Variants in RIMS1 observed in about 807,000 individuals in gnomAD.
RIMS1 encodes the protein regulating synaptic membrane exocytosis 1, also known as regulating synaptic membrane exocytosis protein 1.
RIMS1 carries 83 observed loss-of-function variants against 214.1 expected under a neutral mutation model. The observed-to-expected ratio is 0.39, with a 90% CI of 0.32 to 0.47. RIMS1 has a LOEUF of 0.47. Among genes scored for constraint, RIMS1 ranks in the 20% least tolerant of loss-of-function variants. The pLI is 0.99. For synonymous variants in RIMS1, 793 were observed against 786.8 expected (o/e 1.01, Z -0.13); for missense variants, 2,050 against 2,161.8 (o/e 0.95, Z 1.03).
chr6:72,265,192 A>T (rs2079919433), intron 20 of RIMS1, 140 bp downstream of exon 20: 1 of 631,754 alleles, frequency 1.6e-6, no homozygotes, highest in Admixed American at 3.2e-5. Context: ...TGAAATAATT[A>T]TACAGTGAGA....
In RIMS1 at chr6:72,351,194, TA is replaced by T. The variant is rs376334205; in HGVS notation, c.4366+17371del. On this transcript the variant is annotated intron_variant, in intron 29 of 33. Transcript: ENST00000521978. ...GTATCCTACTCACCTCCCCAAGATG[TA>T]AAAAAAAAAAATGCCATTAGCTCTG... 5.7e-3 allele frequency among the ~76,000 whole-genome samples: 829 copies of T among 145,248 alleles called. 6 individuals are homozygous for T. Among genetic ancestry groups the T allele is most frequent in the African/African-American group, 0.017 (662 of 40,014 alleles).
intron 24 of RIMS1, among the ~76,000 whole-genome samples, chr6:72,287,550 TAGGGTC>T (rs1330564452): frequency 6.6e-6 from 1 of 152,068 alleles, no homozygotes; most frequent in African/African-American, 2.4e-5. Flanking sequence ...ATGGTAAACT[TAGGGTC>T]AGGCATACAT....
At chr6:72,376,437 T>A (rs994942043) in intron 29 of RIMS1, among the ~76,000 whole-genome samples, 1 of 151,964 alleles carries the variant, frequency 6.6e-6, no homozygotes, top group Admixed American at 6.6e-5. Context: ...TCTTCTGAAC[T>A]AAGGAGAGAA....
At chr6:72,123,231 C>A (rs900216434) in intron 4 of RIMS1, among the ~76,000 whole-genome samples, 5 of 151,660 alleles carry the variant, frequency 3.3e-5, no homozygotes, top group Non-Finnish European at 7.4e-5. Context: ...CGTTATTTAC[C>A]CAGTAATCAT....
At chr6:72,168,398 C>A (rs2046559962) in intron 4 of RIMS1, among the ~76,000 whole-genome samples, 1 of 152,148 alleles carries the variant, frequency 6.6e-6, no homozygotes, top group African/African-American at 2.4e-5. Flanking sequence ...AGATCAAATG[C>A]ATGGTTTGAA....
At chr6:72,056,513 GC>G (rs1283144495) in intron 2 of RIMS1, among the ~76,000 whole-genome samples, 1 of 152,154 alleles carries the variant, frequency 6.6e-6, no homozygotes, top group Non-Finnish European at 1.5e-5. Flanking sequence ...TGAAGTTGTT[GC>G]TCTGATTTTT....
chr6:72,232,117 C>A (rs1203322786), intron 6 of RIMS1, among the ~76,000 whole-genome samples: 2 of 151,466 alleles, frequency 1.3e-5, no homozygotes, highest in East Asian at 3.9e-4. Context: ...ATCAATTTTT[C>A]TTTTTGGGGG....
Position 71,887,138 on chromosome 6 carries a change from G to A in RIMS1, c.115G>A (p.Val39Met). ...TEEERNIIMAVMDRQKEEEEK... is the reference protein window; with the variant it reads ...TEEERNIIMAMMDRQKEEEEK... Reference sequence around the variant, plus strand: ...AGAGGAGAGGAACATTATCATGGCAGTGATGGACCGGCAGAAGGAAGAGGA... The same window carrying A: ...AGAGGAGAGGAACATTATCATGGCAATGATGGACCGGCAGAAGGAAGAGGA... The change falls in exon 1 of 34, where the codon GTG (valine) becomes ATG (methionine). Residue 39 changes from valine to methionine, a missense_variant. By Grantham distance (21) the Val-to-Met change is conservative (BLOSUM62 1). Around this residue, in one of 6 missense-constraint regions of RIMS1, gnomAD observed 882 missense variants for 828.9 expected, o/e 1.06. Coordinates refer to ENST00000521978, the MANE Select transcript of RIMS1 (RefSeq NM_014989.7). 1.2e-6 allele frequency: 2 copies of A among 1,613,208 alleles called. No individual in the cohort carries two copies. Among genetic ancestry groups the A allele is most frequent in the Non-Finnish European group, 1.7e-6 (2 of 1,179,552 alleles).
chr6:71,944,180 C>T (rs12209040), intron 1 of RIMS1, among the ~76,000 whole-genome samples: 36,519 of 151,904 alleles, frequency 0.24, 4,564 homozygotes, highest in East Asian at 0.36. Flanking sequence ...CTTCATAATG[C>T]GTCTTATTAC....
rs1328772260 is a variant in RIMS1, at chr6:72,161,062, G to C, written c.472-18513G>C. Among the ~76,000 whole-genome samples, 3 of 139,870 alleles carry C rather than the reference G, an allele frequency of 2.1e-5. 1 individual carries two copies. The highest frequency in any genetic ancestry group is 4.9e-5 in the Non-Finnish European group (3 of 61,716). 91.8% of individuals were successfully genotyped at this position (139,870 alleles called of 152,430 possible). On this transcript the variant is annotated intron_variant, in intron 4 of 33. Coordinates refer to ENST00000521978, the MANE Select transcript of RIMS1 (RefSeq NM_014989.7). ...GCAATTAATTATTGCCTCAATTTCAGAAGCTGTTATTGGTCTATTAAGAGA... is the reference window on the plus strand; with the variant it reads ...GCAATTAATTATTGCCTCAATTTCACAAGCTGTTATTGGTCTATTAAGAGA...
At chr6:72,342,774 C>G (rs143991643) in intron 29 of RIMS1, among the ~76,000 whole-genome samples, 3 of 151,684 alleles carry the variant, frequency 2.0e-5, no homozygotes, top group Non-Finnish European at 2.9e-5. Flanking sequence ...GTGCAGAGTT[C>G]CAGAGAACAG....
intron 1 of RIMS1, among the ~76,000 whole-genome samples, chr6:71,961,858 C>A (rs1306514123): frequency 2.6e-5 from 4 of 152,014 alleles, no homozygotes; most frequent in Non-Finnish European, 4.4e-5. Flanking sequence ...TTGCAGGCAG[C>A]ACACGGTTTT....
chr6:72,128,308 G>A lies in RIMS1; in HGVS notation c.471+28322G>A, dbSNP rs140779740. Among the ~76,000 whole-genome samples the A allele has an allele frequency of 1.6e-3, 251 of 152,252 alleles. 2 individuals carry two copies. The highest frequency in any genetic ancestry group is 5.9e-3 in the African/African-American group (247 of 41,546). On this transcript the variant is annotated intron_variant, in intron 4 of 33. Coordinates refer to ENST00000521978, the MANE Select transcript of RIMS1 (RefSeq NM_014989.7). Reference sequence around the variant, plus strand: ...AATTAAATGCTCCAAGAAAACCAGAGAAGGAGGGAGTCCTTTCACTTACTT... The same window carrying A: ...AATTAAATGCTCCAAGAAAACCAGAAAAGGAGGGAGTCCTTTCACTTACTT...
At chr6:72,310,262 G>C (rs1312927729) in intron 27 of RIMS1, among the ~76,000 whole-genome samples, 1 of 152,050 alleles carries the variant, frequency 6.6e-6, no homozygotes, top group Non-Finnish European at 1.5e-5. Context: ...TAATTCCTGA[G>C]ATGCTTCTTG....
intron 4 of RIMS1, among the ~76,000 whole-genome samples, chr6:72,122,269 A>G (rs1554234919): frequency 7.3e-6 from 1 of 136,634 alleles, no homozygotes; most frequent in Non-Finnish European, 1.5e-5. Context: ...CAGTGGCGCT[A>G]TCTTGGCTCA....
intron 4 of RIMS1, among the ~76,000 whole-genome samples, chr6:72,171,066 A>C (rs1482336061): frequency 6.6e-6 from 1 of 152,060 alleles, no homozygotes; most frequent in Non-Finnish European, 1.5e-5. Flanking sequence ...ATAAGGATTC[A>C]GGACTATATA....
intron 22 of RIMS1, among the ~76,000 whole-genome samples, chr6:72,272,251 A>G (rs1462458756): frequency 1.3e-5 from 2 of 152,194 alleles, no homozygotes; most frequent in Admixed American, 1.3e-4. Context: ...AATTTTGGTC[A>G]TTCCTTGTAA....
intron 4 of RIMS1, among the ~76,000 whole-genome samples, chr6:72,121,202 A>G (rs559093009): frequency 2.8e-4 from 43 of 152,044 alleles, no homozygotes; most frequent in Admixed American, 6.6e-4. Flanking sequence ...AATCATTGGT[A>G]GCTTGATGGG....
chr6:72,005,590 A>G (rs1053361418), intron 2 of RIMS1, among the ~76,000 whole-genome samples: 5 of 152,236 alleles, frequency 3.3e-5, no homozygotes, highest in Non-Finnish European at 7.3e-5. Context: ...AGGCAAATAA[A>G]TAGACTAAAA....
Sources: allele counts gnomAD v4.1 joint callset (sites outside exome capture counted in the v4.1 genomes callset), GRCh38; gene constraint gnomAD v4.1.1; regional missense constraint gnomAD v4.1.1; transcripts MANE v1.5; gene names NCBI Gene and HGNC (gene_info 2026-07-23, HGNC 2026-07-21).